CACNA2D1: variants seen among roughly 807,000 people sequenced by gnomAD.
CACNA2D1 encodes the protein calcium voltage-gated channel auxiliary subunit alpha2delta 1.
Under a neutral mutation model 171.5 loss-of-function variants are expected in CACNA2D1, and 53 were observed. That is an observed-to-expected ratio of 0.31 (90% CI 0.25 to 0.39). The LOEUF is 0.39. Ranked by LOEUF, CACNA2D1 falls within the 10% of genes least tolerant of loss-of-function variation. The probability of loss-of-function intolerance (pLI) is 1.00; values close to 1 mark genes in which losing one functional copy is unlikely to be tolerated. For missense variants in CACNA2D1, 903 were observed against 1,299.8 expected (o/e 0.69, Z 4.69); for synonymous variants, 442 against 443.1 (o/e 1.00, Z 0.03).
chr7:82,416,755 T>G (rs893928558), intron 1 of CACNA2D1, among the ~76,000 whole-genome samples: 5 of 152,132 alleles, frequency 3.3e-5, no homozygotes, highest in Non-Finnish European at 5.9e-5. Context: ...AATTTCAAAA[T>G]AAGGTCACAT....
chr7:82,406,300 C>T (rs1342047058), intron 1 of CACNA2D1, among the ~76,000 whole-genome samples: 3 of 152,158 alleles, frequency 2.0e-5, no homozygotes, highest in Admixed American at 2.0e-4. Context: ...CACTGATGGA[C>T]ATTTGGGTTG....
intron 38 of CACNA2D1, among the ~76,000 whole-genome samples, chr7:81,951,969 G>GTTTTTTTTTTTTTTTTTTGT (rs1792586080): frequency 4.2e-4 from 30 of 71,902 alleles, no homozygotes; most frequent in South Asian, 1.3e-3. Flanking sequence ...TGTACAAAGT[G>GTTTTTTTTTTTTTTTTTTGT]TTTTTTTTTT....
At chr7:81,981,856 G>A (rs1796470388) in intron 24 of CACNA2D1, among the ~76,000 whole-genome samples, 1 of 152,078 alleles carries the variant, frequency 6.6e-6, no homozygotes, top group African/African-American at 2.4e-5. Flanking sequence ...AAAAAGCTAT[G>A]TAAAGCAATG....
chr7:82,240,584 C>T (rs936758709), intron 3 of CACNA2D1, among the ~76,000 whole-genome samples: 5 of 152,110 alleles, frequency 3.3e-5, no homozygotes, highest in African/African-American at 1.2e-4. Flanking sequence ...CAAACCGTAT[C>T]TTTTATATTG....
chr7:81,977,323 C>T (rs1210255099), intron 24 of CACNA2D1, among the ~76,000 whole-genome samples: 1 of 152,020 alleles, frequency 6.6e-6, no homozygotes, highest in East Asian at 1.9e-4. Context: ...TGGTTTTTGT[C>T]ATTGGTTCTA....
In CACNA2D1 at chr7:81,974,492, G is replaced by A. The variant is rs558175396; in HGVS notation, c.2016C>T (p.Asn672=). Residue 672 remains asparagine (N), a synonymous_variant, in exon 25 of 39, where the codon AAC becomes AAT. Transcript: ENST00000356860. ...TTGGAGTTTTTCTATCAATAAACTCGTTGAAATTTAAAAGAAATTCAGTGT... is the reference window on the plus strand; with the variant it reads ...TTGGAGTTTTTCTATCAATAAACTCATTGAAATTTAAAAGAAATTCAGTGT... The part of the protein sequence containing the change: ...DNNTEFLLNF[N]EFIDRKTPNN... The A allele has an allele frequency of 8.4e-5, 132 of 1,572,304 alleles. 1 individual carries two copies. The East Asian group carries it at 1.5e-3, about 18-fold the overall frequency.
chr7:82,417,548 C>T (rs535433711), intron 1 of CACNA2D1, among the ~76,000 whole-genome samples: 2 of 152,182 alleles, frequency 1.3e-5, no homozygotes, highest in East Asian at 1.9e-4. Flanking sequence ...AATTGGACAC[C>T]ACTGGCCACG....
At chr7:82,014,984 G>A (rs11980352) in intron 12 of CACNA2D1, among the ~76,000 whole-genome samples, 29,383 of 151,932 alleles carry the variant, frequency 0.19, 3,260 homozygotes, top group African/African-American at 0.3. Context: ...CCAGGGAGGC[G>A]GAGGTTACAG....
At chr7:82,098,762 C>A (rs1812244148) in intron 6 of CACNA2D1, among the ~76,000 whole-genome samples, 2 of 152,192 alleles carry the variant, frequency 1.3e-5, no homozygotes, top group African/African-American at 4.8e-5. Context: ...TCACTTGCAC[C>A]TCTGGCTTTC....
chr7:82,185,556 G>A (rs1319939371), intron 3 of CACNA2D1, among the ~76,000 whole-genome samples: 3 of 81,038 alleles, frequency 3.7e-5, no homozygotes, highest in African/African-American at 5.0e-5. Context: ...AGGGGGAGGA[G>A]GGGGAGGGGG....
chr7:82,340,394 C>G (rs900153791), intron 2 of CACNA2D1, among the ~76,000 whole-genome samples: 21 of 149,992 alleles, frequency 1.4e-4, no homozygotes, highest in African/African-American at 5.2e-4. Flanking sequence ...TGGTCTTGAA[C>G]TCTCAGGCTT....
chr7:81,985,950 TCTTA>T (rs1229184773), intron 21 of CACNA2D1, among the ~76,000 whole-genome samples: 2 of 152,204 alleles, frequency 1.3e-5, no homozygotes, highest in Non-Finnish European at 2.9e-5. Context: ...AGGCAGGTAA[TCTTA>T]CTTATTTTGA....
chr7:82,139,699 A>G (rs1454944859), intron 4 of CACNA2D1, among the ~76,000 whole-genome samples: 4 of 151,952 alleles, frequency 2.6e-5, no homozygotes, highest in Admixed American at 1.3e-4. Flanking sequence ...AAACAAATAT[A>G]TATTAGTTAT....
intron 3 of CACNA2D1, among the ~76,000 whole-genome samples, chr7:82,324,497 A>G (rs936537602): frequency 9.9e-5 from 15 of 152,164 alleles, no homozygotes; most frequent in African/African-American, 3.6e-4. Context: ...GCACAGTTAC[A>G]GGTATATGGA....
intron 1 of CACNA2D1, among the ~76,000 whole-genome samples, chr7:82,401,934 T>C (rs868360822): frequency 1.3e-5 from 2 of 152,228 alleles, no homozygotes; most frequent in East Asian, 3.9e-4. Context: ...GGAAATGGGA[T>C]AGAAAGCGCG....
intron 3 of CACNA2D1, among the ~76,000 whole-genome samples, chr7:82,274,752 T>C (rs966305510): frequency 6.6e-6 from 1 of 152,116 alleles, no homozygotes. Flanking sequence ...GATTACAAAC[T>C]CTATGAGGGG....
chr7:82,394,071 T>C (rs1284594596), intron 1 of CACNA2D1, among the ~76,000 whole-genome samples: 1 of 152,086 alleles, frequency 6.6e-6, no homozygotes, highest in Non-Finnish European at 1.5e-5. Context: ...AAATAAAGCA[T>C]ATTAAGTTCG....
At chr7:82,065,644 C>A (rs1221534519) in intron 8 of CACNA2D1, among the ~76,000 whole-genome samples, 2 of 152,116 alleles carry the variant, frequency 1.3e-5, no homozygotes, top group Non-Finnish European at 2.9e-5. Flanking sequence ...TATGCTCTTG[C>A]AATTTGTCTG....
chr7:82,268,944 C>T (rs1808272695), intron 3 of CACNA2D1, among the ~76,000 whole-genome samples: 1 of 152,044 alleles, frequency 6.6e-6, no homozygotes, highest in African/African-American at 2.4e-5. Flanking sequence ...AGAACAGGAG[C>T]AGATGATGAA....
Sources: allele counts gnomAD v4.1 joint callset (sites outside exome capture counted in the v4.1 genomes callset), GRCh38; gene constraint gnomAD v4.1.1; transcripts MANE v1.5; gene names NCBI Gene and HGNC (gene_info 2026-07-23, HGNC 2026-07-21).